DDX60: variants seen among roughly 807,000 people sequenced by gnomAD.
DDX60 encodes probable ATP-dependent RNA helicase DDX60.
Under a neutral mutation model 212.8 loss-of-function variants are expected in DDX60, and 165 were observed. The observed-to-expected ratio is 0.78, with a 90% CI of 0.68 to 0.88. The LOEUF is 0.88. Among genes scored for constraint, DDX60 ranks in the 40% least tolerant of loss-of-function variants. The pLI is 0.00. For synonymous variants in DDX60, 703 were observed against 685.3 expected (o/e 1.03, Z -0.40); for missense variants, 1,905 against 2,003.9 (o/e 0.95, Z 0.94).
At chr4:168,284,075 C>G (rs922124144) in intron 12 of DDX60, among the ~76,000 whole-genome samples, 9 of 152,096 alleles carry the variant, frequency 5.9e-5, no homozygotes, top group Non-Finnish European at 1.3e-4. Context: ...TCAAGATATG[C>G]CTTACTCCCT....
intron 27 of DDX60, among the ~76,000 whole-genome samples, chr4:168,252,139 C>T (rs1734243449): frequency 1.3e-5 from 2 of 152,146 alleles, no homozygotes; most frequent in African/African-American, 4.8e-5. Flanking sequence ...GTCTAGAATT[C>T]AGGCTGTGGA....
intron 12 of DDX60, 94 bp from the exon 13 acceptor site, chr4:168,283,700 T>C: frequency 1.1e-6 from 1 of 871,132 alleles, no homozygotes; most frequent in Non-Finnish European, 1.7e-6. Context: ...AGTAGTTAAA[T>C]TAGTGGAAAA....
At chr4:168,268,765 T>C in intron 20 of DDX60, 89 bp downstream of exon 20, 2 of 706,170 alleles carry the variant, frequency 2.8e-6, no homozygotes, top group Non-Finnish European at 4.5e-6. Context: ...TAGAAAATTA[T>C]GAAACTCCTC....
intron 33 of DDX60, among the ~76,000 whole-genome samples, chr4:168,232,791 T>C (rs376840205): frequency 4.6e-5 from 7 of 152,208 alleles, no homozygotes; most frequent in African/African-American, 9.6e-5. Flanking sequence ...CTTCTAGACA[T>C]TGGCTTAGAC....
intron 6 of DDX60, among the ~76,000 whole-genome samples, chr4:168,294,978 C>T (rs1023439036): frequency 2.6e-5 from 4 of 151,980 alleles, no homozygotes; most frequent in Non-Finnish European, 5.9e-5. Context: ...ATATGCTCAG[C>T]GTTAATAATT....
chr4:168,267,206 C>A (rs913525586), intron 22 of DDX60, among the ~76,000 whole-genome samples: 1 of 152,022 alleles, frequency 6.6e-6, no homozygotes, highest in Non-Finnish European at 1.5e-5. Context: ...TTTCTATGTA[C>A]TAGGGATTGT....
chr4:168,224,378 T>C lies in DDX60; in HGVS notation c.4689A>G (p.Thr1563=), dbSNP rs1168555531. 1 of 1,611,216 alleles carries C rather than the reference T, an allele frequency of 6.2e-7. No individual in the cohort carries two copies. Among genetic ancestry groups the C allele is most frequent in the African/African-American group, 1.3e-5 (1 of 74,806 alleles). Residue 1563 remains threonine, a synonymous_variant, in exon 35 of 38, where the codon ACA becomes ACG. Coordinates refer to ENST00000393743, the MANE Select transcript of DDX60 (RefSeq NM_017631.6). ...GTTGAGAGTCTTCACATTCTTTACC[T>C]GTGAATTCTGACAATAATAGTTAGG... is the stretch of plus-strand genomic sequence containing the variant. ...YQLPLSKIKF[T]GKECEDSQLV...
intron 14 of DDX60, among the ~76,000 whole-genome samples, chr4:168,278,814 G>A (rs1185572400): frequency 6.6e-6 from 1 of 152,176 alleles, no homozygotes; most frequent in Non-Finnish European, 1.5e-5. Context: ...GTGACAGAGC[G>A]AGGCTCCATC....
intron 15 of DDX60, 126 bp downstream of exon 15, chr4:168,275,889 A>T: frequency 2.5e-6 from 2 of 806,670 alleles, no homozygotes; most frequent in Non-Finnish European, 3.6e-6. Flanking sequence ...CAGTTGGGTT[A>T]CTACTAATAA....
chr4:168,273,200 A>T, intron 18 of DDX60, 79 bp downstream of exon 18: 3 of 1,335,510 alleles, frequency 2.2e-6, no homozygotes, highest in Non-Finnish European at 2.1e-6. Context: ...CCTTGTGAAG[A>T]TGTTGAATTT....
At position 168,288,204 on chromosome 4, in the gene DDX60, C is replaced by G. The variant is rs775630166; in HGVS notation, c.1153G>C (p.Ala385Pro). ...ACATTTTCATTTTCATAGTAAAAAGCAATATTCTTCAACAAAAGCTCATCA... is the reference window on the plus strand; with the variant it reads ...ACATTTTCATTTTCATAGTAAAAAGGAATATTCTTCAACAAAAGCTCATCA... ...LNDELLLKNIAFYYENENVKG... is the reference protein window; with the variant it reads ...LNDELLLKNIPFYYENENVKG... The change falls in exon 9 of 38, where the codon GCT (alanine) becomes CCT (proline). Residue 385 changes from alanine to proline, a missense_variant. Ala to Pro is a conservative substitution (Grantham distance 27, BLOSUM62 -1). Coordinates refer to ENST00000393743, the MANE Select transcript of DDX60 (RefSeq NM_017631.6). The G allele has an allele frequency of 6.6e-7, 1 of 1,506,422 alleles. No homozygotes were observed. The highest frequency in any genetic ancestry group is 2.0e-5 in the Admixed American group (1 of 49,580). 93.3% of individuals were successfully genotyped at this position (1,506,422 alleles called of 1,614,324 possible). A position where few individuals can be genotyped will look rare whatever the true frequency, so the allele number is the denominator to read the frequency against.
At position 168,221,864 on chromosome 4, in the gene DDX60, G is replaced by T. The variant is rs371697676; in HGVS notation, c.4842C>A (p.Ile1614=). The T allele has an allele frequency of 6.2e-6, 10 of 1,612,366 alleles. No homozygotes were observed. The highest frequency in any genetic ancestry group is 5.3e-5 in the African/African-American group (4 of 74,840). Residue 1614 remains isoleucine (I), a synonymous_variant, in exon 36 of 38, where the codon ATC becomes ATA. Coordinates refer to ENST00000393743, the MANE Select transcript of DDX60 (RefSeq NM_017631.6). ...CTGGAGCCTGAGAGCGATTGACACC[G>T]ATTGTGCCTAGAGTAACCTGAAAAA... The part of the protein sequence containing the change: ...ETPNHVTLGT[I]GVNRSQAPVL...
chr4:168,230,867 A>G (rs1475477380), intron 33 of DDX60, among the ~76,000 whole-genome samples: 1 of 152,042 alleles, frequency 6.6e-6, no homozygotes, highest in Non-Finnish European at 1.5e-5. Context: ...AATTGAAACA[A>G]ACAAACAAAA....
intron 5 of DDX60, among the ~76,000 whole-genome samples, chr4:168,303,827 C>T (rs979833099): frequency 6.6e-6 from 1 of 152,054 alleles, no homozygotes; most frequent in Non-Finnish European, 1.5e-5. Flanking sequence ...ACTAAAAACA[C>T]AAAAATTGGC....
Position 168,225,661 on chromosome 4 carries a change from GATC to G in DDX60, c.4546_4548del (p.Asp1516del). On this transcript the variant is annotated inframe_deletion, in exon 34 of 38. Transcript: ENST00000393743. The stretch of plus-strand genomic sequence containing the variant: ...AAAGCATCACTAAAATCCTCAGGGA[GATC>G]ATCAAGGAACACCTAGAAGCCGAAT... 1 of 1,610,274 alleles carries G rather than the reference GATC, an allele frequency of 6.2e-7. No homozygotes were observed. The highest frequency in any genetic ancestry group is 8.5e-7 in the Non-Finnish European group (1 of 1,178,542).
Position 168,285,455 on chromosome 4 carries a change from C to T in DDX60, c.1383G>A (p.Thr461=), listed in dbSNP as rs761799292. The T allele has an allele frequency of 1.1e-5, 18 of 1,610,058 alleles. No homozygotes were observed. Among genetic ancestry groups the T allele is most frequent in the South Asian group, 6.7e-5 (6 of 90,094 alleles). ...EMVPNLGFIP[T]SSFVVDKFAG... The stretch of plus-strand genomic sequence containing the variant: ...CAAATTTATCAACCACAAAAGATGA[C>T]GTTGGAATAAAACCCAAATTGGGCA... Residue 461 remains threonine (T), a synonymous_variant, in exon 11 of 38, where the codon ACG becomes ACA. Transcript: ENST00000393743.
intron 7 of DDX60, among the ~76,000 whole-genome samples, chr4:168,293,517 A>C (rs796261135): frequency 4.6e-5 from 7 of 152,312 alleles, no homozygotes; most frequent in African/African-American, 1.7e-4. Context: ...GGCCTCCACC[A>C]AGTGCTAATA....
chr4:168,302,344 C>T lies in DDX60; in HGVS notation c.679G>A (p.Ala227Thr). 12 of 1,590,922 alleles carry T rather than the reference C, an allele frequency of 7.5e-6. No individual in the cohort carries two copies. The Middle Eastern group carries it at 8.4e-4, about 112-fold the overall frequency. The change falls in exon 6 of 38, where the codon GCA becomes ACA. Residue 227 changes from alanine (A) to threonine (T), a missense_variant. Transcript: ENST00000393743. ...QLERFKLSAL[A>T]PLFGSLKWNN... is the part of the protein sequence containing the mutation. ...CATTTTAAACTTCCAAAAAGAGGTG[C>T]TAATGCTGAAAGCTTAAATCTTTCC...
At chr4:168,288,133 T>C (rs1735939134) in intron 9 of DDX60, 41 bp downstream of exon 9, 2 of 1,265,806 alleles carry the variant, frequency 1.6e-6, no homozygotes, top group African/African-American at 3.1e-5. Flanking sequence ...ATAAAGTTTA[T>C]CTGTGGATGG....
Sources: allele counts gnomAD v4.1 joint callset (sites outside exome capture counted in the v4.1 genomes callset), GRCh38; gene constraint gnomAD v4.1.1; transcripts MANE v1.5; gene names NCBI Gene and HGNC (gene_info 2026-07-23, HGNC 2026-07-21).